Variants in PLAC9 observed in about 807,000 individuals in gnomAD.
PLAC9 encodes placenta-specific protein 9.
In PLAC9, 12 loss-of-function variants were observed where a neutral mutation model predicts 11.5. That is an observed-to-expected ratio of 1.05 (90% CI 0.67 to 1.69). The LOEUF is 1.69. Ranked by LOEUF, PLAC9 falls within the 40% of genes most tolerant of loss-of-function variation. The pLI is 0.00. For missense variants in PLAC9, 132 were observed against 130.5 expected (o/e 1.01, Z -0.06); for synonymous variants, 62 against 58.1 (o/e 1.07, Z -0.31).
At chr10:80,144,440 C>A in intron 3 of PLAC9, 97 bp downstream of exon 3, 1 of 1,428,116 alleles carries the variant, frequency 7.0e-7, no homozygotes, top group Non-Finnish European at 9.2e-7. Flanking sequence ...ACAGGTGTAG[C>A]CTGGCTGGCA....
intron 1 of PLAC9, among the ~76,000 whole-genome samples, chr10:80,140,021 C>T (rs1278107748): frequency 1.3e-5 from 2 of 152,210 alleles, no homozygotes; most frequent in Non-Finnish European, 1.5e-5. Context: ...CAGGTGGGAG[C>T]TCACTCCACT....
In PLAC9 at chr10:80,142,145, T is replaced by A; in HGVS notation, c.128T>A (p.Met43Lys). 6.2e-7 allele frequency: 1 copy of A among 1,610,766 alleles called. No homozygotes were observed. The highest frequency in any genetic ancestry group is 8.5e-7 in the Non-Finnish European group (1 of 1,177,362). Reference sequence around the variant, plus strand: ...CAGAGCACAGCGTGTGACAGACACATGGCTGTGCAACGCCGTCTAGATGTC... The same window carrying A: ...CAGAGCACAGCGTGTGACAGACACAAGGCTGTGCAACGCCGTCTAGATGTC... ...SAQSTACDRH[M>K]AVQRRLDVME... The change falls in exon 2 of 4, where the codon ATG (methionine) becomes AAG (lysine). Residue 43 changes from methionine to lysine, a missense_variant. Physicochemically the swap from Met to Lys is moderately conservative, Grantham distance 95. Transcript: ENST00000372263.
At chr10:80,133,227 T>C (rs1369540257) in intron 1 of PLAC9, among the ~76,000 whole-genome samples, 3 of 151,380 alleles carry the variant, frequency 2.0e-5, no homozygotes, top group African/African-American at 4.9e-5. Flanking sequence ...AGAGAAAGAT[T>C]TGAGAGAGAC....
Position 80,145,063 on chromosome 10 carries a change from A to C in PLAC9, c.*153A>C. On this transcript the variant is annotated 3_prime_UTR_variant, in exon 4 of 4. Coordinates refer to ENST00000372263, the MANE Select transcript of PLAC9 (RefSeq NM_001012973.3). ...TGTCTGCTGACAGAGTAACCCGTTT[A>C]ACTACAGCCTCCTCTCACTCCACTT... is the stretch of plus-strand genomic sequence containing the variant. 1.0e-6 allele frequency: 1 copy of C among 986,700 alleles called. No individual in the cohort carries two copies. The highest frequency in any genetic ancestry group is 1.6e-6 in the Non-Finnish European group (1 of 639,778). 61.1% of individuals were successfully genotyped at this position (986,700 alleles called of 1,614,324 possible).
upstream of PLAC9, among the ~76,000 whole-genome samples, chr10:80,132,227 C>T (rs1252889511): frequency 6.6e-6 from 1 of 152,118 alleles, no homozygotes; most frequent in Admixed American, 6.5e-5. Context: ...TCTGGGTCTC[C>T]CTCTTAGGGG....
At chr10:80,132,907 C>T in intron 1 of PLAC9, 81 bp downstream of exon 1, 1 of 1,250,996 alleles carries the variant, frequency 8.0e-7, no homozygotes. Flanking sequence ...GCGAGAGAGA[C>T]GGAGAGAGAG....
chr10:80,135,243 C>T (rs1666112380), intron 1 of PLAC9, among the ~76,000 whole-genome samples: 1 of 150,844 alleles, frequency 6.6e-6, no homozygotes, highest in Non-Finnish European at 1.5e-5. Context: ...AGGATGGTCT[C>T]GATCTCCTGA....
upstream of PLAC9, among the ~76,000 whole-genome samples, chr10:80,132,379 T>TCCCTCAC (rs1322741995): frequency 1.3e-5 from 2 of 152,194 alleles, no homozygotes; most frequent in Non-Finnish European, 2.9e-5. Context: ...CTCCGAGTCT[T>TCCCTCAC]AGTCTGCCCG....
At position 80,144,278 on chromosome 10, in the gene PLAC9, T is replaced by C; in HGVS notation, c.218T>C (p.Leu73Pro). The change falls in exon 3 of 4, where the codon CTG becomes CCG. Residue 73 changes from leucine to proline, a missense_variant. Physicochemically the swap from Leu to Pro is moderately conservative, Grantham distance 98. Coordinates refer to ENST00000372263, the MANE Select transcript of PLAC9 (RefSeq NM_001012973.3). Reference sequence around the variant, plus strand: ...ACAGAGGTGAAAGGCCTGCTGGGCCTGCTGGAGGAGCTGGCCTGGAACCTG... The same window carrying C: ...ACAGAGGTGAAAGGCCTGCTGGGCCCGCTGGAGGAGCTGGCCTGGAACCTG... ...LGTEVKGLLGLLEELAWNLPP... is the reference protein window; with the variant it reads ...LGTEVKGLLGPLEELAWNLPP... 6.2e-7 allele frequency: 1 copy of C among 1,613,846 alleles called. No homozygotes were observed. Among genetic ancestry groups the C allele is most frequent in the Non-Finnish European group, 8.5e-7 (1 of 1,179,998 alleles).
upstream of PLAC9, chr10:80,131,748 C>G (rs553531162): frequency 2.0e-5 from 3 of 152,328 alleles, no homozygotes; most frequent in African/African-American, 4.8e-5. Flanking sequence ...CACTGGTTAG[C>G]GTGGTAACTG....
chr10:80,144,948 C>T lies in PLAC9; in HGVS notation c.*38C>T. Reference sequence around the variant, plus strand: ...GAGCCCAGCAGTTGGAGGTGGTGCACCTGCCAGGCAGCGCCCACAGAACCA... The same window carrying T: ...GAGCCCAGCAGTTGGAGGTGGTGCATCTGCCAGGCAGCGCCCACAGAACCA... On this transcript the variant is annotated 3_prime_UTR_variant, in exon 4 of 4. Transcript: ENST00000372263. 1 of 1,566,400 alleles carries T rather than the reference C, an allele frequency of 6.4e-7. No individual in the cohort carries two copies. The highest frequency in any genetic ancestry group is 8.7e-7 in the Non-Finnish European group (1 of 1,154,402).
rs755528140 is a variant in PLAC9, at chr10:80,135,315, C to A, written c.64+2489C>A. On this transcript the variant is annotated intron_variant, in intron 1 of 3. Coordinates refer to ENST00000372263, the MANE Select transcript of PLAC9 (RefSeq NM_001012973.3). Reference sequence around the variant, plus strand: ...GGGATTACAGGTGTGAGCCACTGCGCCCGGCCTTTTTTTTTTTTTTTTTTT... The same window carrying A: ...GGGATTACAGGTGTGAGCCACTGCGACCGGCCTTTTTTTTTTTTTTTTTTT... Among the ~76,000 whole-genome samples, 13 of 135,734 alleles carry A rather than the reference C, an allele frequency of 9.6e-5. No individual in the cohort carries two copies. The East Asian group carries it at 2.4e-3, about 25-fold the overall frequency. 89.0% of individuals were successfully genotyped at this position (135,734 alleles called of 152,430 possible). A position where few individuals can be genotyped will look rare whatever the true frequency, so the allele number is the denominator to read the frequency against.
At chr10:80,138,641 G>A (rs1367253847) in intron 1 of PLAC9, among the ~76,000 whole-genome samples, 1 of 152,202 alleles carries the variant, frequency 6.6e-6, no homozygotes, top group East Asian at 1.9e-4. Context: ...GAGAACAGGA[G>A]GTCAGGGTGC....
Position 80,145,045 on chromosome 10 carries a change from T to A in PLAC9, c.*135T>A. The A allele has an allele frequency of 2.6e-6, 3 of 1,165,314 alleles. No individual in the cohort carries two copies. In the South Asian group the frequency reaches 3.9e-5, roughly 15 times the overall value. 72.2% of individuals were successfully genotyped at this position (1,165,314 alleles called of 1,614,324 possible). On this transcript the variant is annotated 3_prime_UTR_variant, in exon 4 of 4. Coordinates refer to ENST00000372263, the MANE Select transcript of PLAC9 (RefSeq NM_001012973.3). Reference sequence around the variant, plus strand: ...CTATTCTGGTCTCCTCTGTGTCTGCTGACAGAGTAACCCGTTTAACTACAG... The same window carrying A: ...CTATTCTGGTCTCCTCTGTGTCTGCAGACAGAGTAACCCGTTTAACTACAG...
chr10:80,132,167 T>TAAA (rs1554828677), upstream of PLAC9, among the ~76,000 whole-genome samples: 41 of 151,870 alleles, frequency 2.7e-4, no homozygotes, highest in East Asian at 3.7e-3. Context: ...CTTTTCTTTT[T>TAAA]AAAATTACCT....
chr10:80,136,549 G>A (rs1564588494), intron 1 of PLAC9, among the ~76,000 whole-genome samples: 1 of 152,084 alleles, frequency 6.6e-6, no homozygotes, highest in Non-Finnish European at 1.5e-5. Context: ...GTAGCTGACT[G>A]TAGTCTCAAA....
At chr10:80,132,230 C>T (rs941706439), upstream of PLAC9, among the ~76,000 whole-genome samples, 5 of 152,172 alleles carry the variant, frequency 3.3e-5, no homozygotes, top group African/African-American at 1.2e-4. Flanking sequence ...GGGTCTCCCT[C>T]TTAGGGGCAG....
chr10:80,142,774 C>T (rs1326535694), intron 2 of PLAC9, among the ~76,000 whole-genome samples: 3 of 151,674 alleles, frequency 2.0e-5, no homozygotes, highest in Non-Finnish European at 4.4e-5. Flanking sequence ...GCTGGAGTGC[C>T]GTGGTGCAGT....
chr10:80,135,032 T>TTATG (rs1447658755), intron 1 of PLAC9, among the ~76,000 whole-genome samples: 4 of 151,980 alleles, frequency 2.6e-5, no homozygotes, highest in Non-Finnish European at 5.9e-5. Context: ...ATTTATTTAT[T>TTATG]TATTTGAGAT....
Sources: allele counts gnomAD v4.1 joint callset (sites outside exome capture counted in the v4.1 genomes callset), GRCh38; gene constraint gnomAD v4.1.1; transcripts MANE v1.5; gene names NCBI Gene and HGNC (gene_info 2026-07-23, HGNC 2026-07-21).